The following CADM1 variants were observed in gnomAD, a reference collection of about 807,000 sequenced individuals.
CADM1 encodes the protein TSLC-1.
In CADM1, 15 loss-of-function variants were observed where a neutral mutation model predicts 53.1. The observed-to-expected ratio is 0.28, with a 90% CI of 0.19 to 0.44. The LOEUF (loss-of-function observed/expected upper bound fraction) is 0.44, where lower values mean the gene tolerates loss of function less well. CADM1 is among the 20% of genes least tolerant of loss of function. The pLI is 1.00. For synonymous variants in CADM1, 281 were observed against 243.0 expected, an observed-to-expected ratio of 1.16 and a Z score of -1.45; for missense variants, 434 against 611.3, an observed-to-expected ratio of 0.71 and a Z score of 3.06.
chr11:115,503,362 C>G (rs1949774715), intron 1 of CADM1, among the ~76,000 whole-genome samples: 1 of 152,208 alleles, frequency 6.6e-6, no homozygotes, highest in Non-Finnish European at 1.5e-5. Context: ...CCCAAGACTG[C>G]TCTTCACGCA....
intron 1 of CADM1, among the ~76,000 whole-genome samples, chr11:115,353,535 A>G (rs761084314): frequency 1.1e-4 from 17 of 152,134 alleles, no homozygotes; most frequent in Non-Finnish European, 2.4e-4. Flanking sequence ...TATATATGCC[A>G]CTCTTTGAAA....
chr11:115,188,322 G>C (rs1314932046), intron 10 of CADM1, among the ~76,000 whole-genome samples: 1 of 152,084 alleles, frequency 6.6e-6, no homozygotes, highest in Non-Finnish European at 1.5e-5. Context: ...GTAAATGAAA[G>C]GGTTCAAAGT....
At chr11:115,307,625 G>A (rs556007878) in intron 1 of CADM1, among the ~76,000 whole-genome samples, 1 of 151,782 alleles carries the variant, frequency 6.6e-6, no homozygotes, top group South Asian at 2.1e-4. Context: ...TAGATCCTAA[G>A]TATTCAGGTT....
chr11:115,308,829 TTTCC>T (rs547326628), intron 1 of CADM1, among the ~76,000 whole-genome samples: 114 of 132,190 alleles, frequency 8.6e-4, no homozygotes, highest in African/African-American at 1.2e-3. Context: ...CATCCCTCCC[TTTCC>T]TTCCTTATTT....
intron 5 of CADM1, among the ~76,000 whole-genome samples, chr11:115,227,183 A>G (rs182083582): frequency 5.1e-4 from 77 of 152,352 alleles, no homozygotes; most frequent in African/African-American, 1.7e-3. Flanking sequence ...GGAGGGCATT[A>G]GAGTCACTTT....
chr11:115,289,234 G>A (rs1161824836), intron 1 of CADM1, among the ~76,000 whole-genome samples: 1 of 151,954 alleles, frequency 6.6e-6, no homozygotes, highest in Non-Finnish European at 1.5e-5. Flanking sequence ...GTGTGGTGGT[G>A]GGCGCCTGTA....
At chr11:115,246,323 A>G (rs934107470) in intron 1 of CADM1, among the ~76,000 whole-genome samples, 1 of 152,264 alleles carries the variant, frequency 6.6e-6, no homozygotes, top group African/African-American at 2.4e-5. Context: ...TGTCTGCTCC[A>G]AAGACTGTCT....
chr11:115,329,777 G>T (rs927167319), intron 1 of CADM1, among the ~76,000 whole-genome samples: 1 of 152,036 alleles, frequency 6.6e-6, no homozygotes, highest in African/African-American at 2.4e-5. Context: ...GGATTTTATT[G>T]CTGGATGGAG....
intron 2 of CADM1, 34 bp downstream of exon 2, chr11:115,240,240 G>C (rs763485755): frequency 2.4e-5 from 39 of 1,608,632 alleles, no homozygotes; most frequent in Non-Finnish European, 3.2e-5. Flanking sequence ...AGGTAAAAAA[G>C]TTGCCATCTA....
At chr11:115,342,116 T>C (rs1479517336) in intron 1 of CADM1, among the ~76,000 whole-genome samples, 1 of 152,204 alleles carries the variant, frequency 6.6e-6, no homozygotes, top group African/African-American at 2.4e-5. Flanking sequence ...ATTTGTCCTG[T>C]CACTGAAAAA....
chr11:115,377,796 A>C (rs1946476890), intron 1 of CADM1: 1 of 152,222 alleles, frequency 6.6e-6, no homozygotes, highest in South Asian at 2.1e-4. Context: ...GAAAGAGACA[A>C]GTATCCATGT....
At chr11:115,364,459 T>G (rs537555314) in intron 1 of CADM1, among the ~76,000 whole-genome samples, 4 of 152,248 alleles carry the variant, frequency 2.6e-5, no homozygotes, top group Admixed American at 2.6e-4. Flanking sequence ...CTGGACTTGG[T>G]CTTGTAGAAG....
chr11:115,273,515 G>A (rs763516280), intron 1 of CADM1, among the ~76,000 whole-genome samples: 5 of 152,124 alleles, frequency 3.3e-5, no homozygotes, highest in African/African-American at 4.8e-5. Context: ...GAAACCCACT[G>A]ATCTTTGTTA....
intron 6 of CADM1, among the ~76,000 whole-genome samples, chr11:115,216,533 A>C (rs1941192316): frequency 6.6e-6 from 1 of 152,232 alleles, no homozygotes; most frequent in African/African-American, 2.4e-5. Flanking sequence ...GGAATAATTC[A>C]AACTGTTTAC....
intron 1 of CADM1, among the ~76,000 whole-genome samples, chr11:115,373,583 C>CAAAAAAAAAAAAAA (rs35059216): frequency 4.1e-5 from 2 of 48,830 alleles, no homozygotes; most frequent in South Asian, 4.0e-4. Flanking sequence ...GACTCTGTCT[C>CAAAAAAAAAAAAAA]AAAAAAAAAA....
At chr11:115,340,652 ATATATATTTTTT>A in intron 1 of CADM1, among the ~76,000 whole-genome samples, 1 of 40,816 alleles carries the variant, frequency 2.5e-5, no homozygotes, top group Non-Finnish European at 4.7e-5. Context: ...ATATATATAT[ATATATATTTTTT>A]TTTTTTTTTT....
chr11:115,180,214 T>TG (rs1939244781), intron 10 of CADM1, among the ~76,000 whole-genome samples: 1 of 152,152 alleles, frequency 6.6e-6, no homozygotes, highest in Non-Finnish European at 1.5e-5. Flanking sequence ...CTGAAGGATG[T>TG]GGGGAAATAA....
In CADM1 at chr11:115,214,704, T is replaced by A. The variant is rs374153035; in HGVS notation, c.898A>T (p.Ile300Phe). ...HAVLSGPNLFINNLNKTDNGT... is the reference protein window; with the variant it reads ...HAVLSGPNLFFNNLNKTDNGT... ...TTATCTGTTTTGTTTAGGTTATTGA[T>A]GAACAGGTTGGGCCCAGACAGTACG... The change falls in exon 7 of 12, where the codon ATC becomes TTC. Residue 300 changes from isoleucine (I) to phenylalanine (F), a missense_variant. Physicochemically the swap from Ile to Phe is conservative, Grantham distance 21. Coordinates refer to ENST00000331581, the MANE Select transcript of CADM1 (RefSeq NM_001301043.2). 8.0e-5 allele frequency: 129 copies of A among 1,613,978 alleles called. No homozygotes were observed. The highest frequency in any genetic ancestry group is 1.1e-4 in the Non-Finnish European group (128 of 1,179,972).
At chr11:115,225,313 A>AGGG (rs34306219) in intron 5 of CADM1, among the ~76,000 whole-genome samples, 6 of 149,034 alleles carry the variant, frequency 4.0e-5, no homozygotes, top group South Asian at 2.2e-4. Flanking sequence ...ATAATAAAAA[A>AGGG]GGGGGGGGGA....
Sources: allele counts gnomAD v4.1 joint callset (sites outside exome capture counted in the v4.1 genomes callset), GRCh38; gene constraint gnomAD v4.1.1; transcripts MANE v1.5; gene names NCBI Gene and HGNC (gene_info 2026-07-23, HGNC 2026-07-21).